Variants in SCART1 observed in about 807,000 individuals in gnomAD.
The protein encoded by SCART1 is scavenger receptor family member expressed on T cells 1.
In SCART1, 62 loss-of-function variants were observed where a neutral mutation model predicts 36.2. The observed-to-expected ratio is 1.71, with a 90% confidence interval of 1.40 to 2.12. The LOEUF is 2.12. Among genes scored for constraint, SCART1 ranks in the 30% most tolerant of loss-of-function variants. The pLI is 0.00. For missense variants in SCART1, 1,041 were observed against 540.5 expected, an observed-to-expected ratio of 1.93 and a Z score of -9.18; for synonymous variants, 487 against 238.7, an observed-to-expected ratio of 2.04 and a Z score of -9.59.
exon 10 of SCART1, chr10:133,466,372 A>G: frequency 2.8e-6 from 2 of 702,742 alleles, no homozygotes; most frequent in Non-Finnish European, 5.2e-6. Flanking sequence ...CACACAAGCC[A>G]TGCAGAGGGG....
intron 11 of SCART1, 75 bp downstream of exon 11, chr10:133,467,428 G>T: frequency 1.6e-6 from 1 of 639,466 alleles, no homozygotes; most frequent in Non-Finnish European, 2.8e-6. Flanking sequence ...CAGTGGAAAG[G>T]GACTCTGACC....
intron 1 of SCART1, 67 bp from the exon 2 acceptor site, chr10:133,456,170 C>A: frequency 1.5e-6 from 1 of 655,914 alleles, no homozygotes; most frequent in South Asian, 1.7e-5. Context: ...CCTGCTGCCG[C>A]GGCTGCCATC....
intron 6 of SCART1, among the ~76,000 whole-genome samples, chr10:133,461,996 G>A (rs910361208): frequency 4.6e-5 from 7 of 152,344 alleles, no homozygotes; most frequent in Non-Finnish European, 8.8e-5. Context: ...CAGCATGTTG[G>A]GCACAGCCAG....
exon 5 of SCART1, chr10:133,459,203 G>A (rs899652215): frequency 8.5e-6 from 6 of 701,952 alleles, no homozygotes; most frequent in East Asian, 2.7e-5. Flanking sequence ...GGACGGGGAC[G>A]CTGCCATCTG....
exon 9 of SCART1, chr10:133,465,308 T>C (rs758358353): frequency 1.9e-5 from 13 of 684,926 alleles, no homozygotes; most frequent in Admixed American, 4.2e-5. Flanking sequence ...CGCGTGGAGC[T>C]CTGGCACGCG....
At chr10:133,456,099 C>T in intron 1 of SCART1, 138 bp from the exon 2 acceptor site, 1 of 616,860 alleles carries the variant, frequency 1.6e-6, no homozygotes, top group Non-Finnish European at 2.9e-6. Flanking sequence ...CATCACCTCT[C>T]TGGGACTGCT....
chr10:133,464,796 C>T (rs879298560), exon 7 of SCART1: 4 of 702,418 alleles, frequency 5.7e-6, no homozygotes, highest in African/African-American at 3.5e-5. Flanking sequence ...TTCCCCTCTG[C>T]GGGCACCGGG....
intron 6 of SCART1, among the ~76,000 whole-genome samples, chr10:133,460,938 G>A (rs2133555125): frequency 6.6e-6 from 1 of 151,854 alleles, no homozygotes; most frequent in African/African-American, 2.4e-5. Context: ...GTTTCACCAT[G>A]TTGCCCAGGC....
At chr10:133,466,115 C>A in intron 9 of SCART1, 120 bp from the exon 10 acceptor site, 1 of 630,460 alleles carries the variant, frequency 1.6e-6, no homozygotes, top group Non-Finnish European at 2.8e-6. Context: ...CCAGCACTTC[C>A]GACTCGCAGG....
chr10:133,466,697 C>A (rs1391091979), intron 10 of SCART1, among the ~76,000 whole-genome samples: 1 of 152,188 alleles, frequency 6.6e-6, no homozygotes, highest in South Asian at 2.1e-4. Context: ...GGGAAGGGGA[C>A]ATGTAGGACA....
At chr10:133,457,647 GA>G in intron 3 of SCART1, 72 bp downstream of exon 3, 1 of 603,140 alleles carries the variant, frequency 1.7e-6, no homozygotes. Context: ...AGGGCAGGGA[GA>G]AGGGGGGTGG....
intron 3 of SCART1, 119 bp downstream of exon 3, chr10:133,457,694 GACA>G (rs1301981190): frequency 1.7e-6 from 1 of 579,722 alleles, no homozygotes; most frequent in Non-Finnish European, 3.0e-6. Flanking sequence ...TCCTGCATGA[GACA>G]TTGGGCGCAG....
At chr10:133,465,557 G>T in exon 9 of SCART1, 1 of 549,032 alleles carries the variant, frequency 1.8e-6, no homozygotes, top group Non-Finnish European at 3.2e-6. Flanking sequence ...GCGGGCGTGC[G>T]CTGCTGGGGT....
chr10:133,458,020 A>G, intron 3 of SCART1: 1 of 555,686 alleles, frequency 1.8e-6, no homozygotes. Context: ...TACCCCAGAG[A>G]GGGTGGTGCT....
chr10:133,465,265 C>G (rs1358559233), exon 9 of SCART1: 1 of 691,160 alleles, frequency 1.4e-6, no homozygotes, highest in Admixed American at 2.0e-5. Context: ...GGGCGCACTG[C>G]GCGTGCGCGG....
At chr10:133,457,935 C>G (rs1385748823) in intron 3 of SCART1, 3 of 510,956 alleles carry the variant, frequency 5.9e-6, no homozygotes, top group African/African-American at 1.9e-5. Flanking sequence ...GTGAGCTGCA[C>G]TGGCCTCACA....
chr10:133,460,487 T>TATATATATATATATATATATATATAC (rs1850686332), intron 6 of SCART1, among the ~76,000 whole-genome samples: 1 of 143,722 alleles, frequency 7.0e-6, no homozygotes, highest in African/African-American at 2.6e-5. Context: ...TATATATATA[T>TATATATATATATATATATATATATAC]ATTTATATAT....
At chr10:133,457,334 C>G (rs1345052164) in exon 3 of SCART1, 2 of 537,990 alleles carry the variant, frequency 3.7e-6, no homozygotes, top group African/African-American at 6.7e-5. Context: ...GCGCGGGACT[C>G]CCCGAGATCA....
chr10:133,454,103 G>A (rs1850580101), intron 1 of SCART1, 39 bp downstream of exon 1: 5 of 702,410 alleles, frequency 7.1e-6, no homozygotes, highest in South Asian at 5.9e-5. Flanking sequence ...ACTTTCTGGA[G>A]GCATCAGCTC....
Sources: allele counts gnomAD v4.1 joint callset (sites outside exome capture counted in the v4.1 genomes callset), GRCh38; gene constraint gnomAD v4.1.1; transcripts MANE v1.5; gene names NCBI Gene and HGNC (gene_info 2026-07-23, HGNC 2026-07-21).